FREM2: variants seen among roughly 807,000 people sequenced by gnomAD.
The protein encoded by FREM2 is FRAS1 related extracellular matrix 2.
FREM2 carries 119 observed loss-of-function variants against 219.9 expected under a neutral mutation model. That is an observed-to-expected ratio of 0.54 (90% confidence interval 0.47 to 0.63). The LOEUF (loss-of-function observed/expected upper bound fraction) is 0.63. FREM2 is among the 30% of genes least tolerant of loss of function. The pLI is 0.00. For missense variants in FREM2, 4,030 were observed against 3,993.6 expected (o/e 1.01, Z -0.25); for synonymous variants, 1,562 against 1,522.8 (o/e 1.03, Z -0.60).
chr13:38,838,786 C>A (rs2137896892), intron 6 of FREM2, among the ~76,000 whole-genome samples: 1 of 152,268 alleles, frequency 6.6e-6, no homozygotes, highest in Admixed American at 6.5e-5. Flanking sequence ...TCACGAAGTT[C>A]TCGTGCTGTG....
intron 2 of FREM2, among the ~76,000 whole-genome samples, chr13:38,734,849 C>T (rs774624977): frequency 6.7e-6 from 1 of 150,140 alleles, no homozygotes; most frequent in South Asian, 2.1e-4. Context: ...CAGGTTTAAC[C>T]GATTCTCCTG....
intron 2 of FREM2, among the ~76,000 whole-genome samples, chr13:38,733,156 T>G (rs1247373425): frequency 1.3e-5 from 2 of 152,092 alleles, no homozygotes; most frequent in Non-Finnish European, 2.9e-5. Context: ...CTGTGGCATC[T>G]AGAGAGGTGA....
rs1050484924 is a variant in FREM2 at position 38,882,734 on chromosome 13, C to T, written c.*1947C>T. The T allele has an allele frequency of 1.3e-5, 2 of 152,154 alleles. No homozygotes were observed. The highest frequency in any genetic ancestry group is 4.8e-5 in the African/African-American group (2 of 41,440). 9.4% of individuals were successfully genotyped at this position (152,154 alleles called of 1,614,324 possible). ...AGATGCTTAGCTACTTCTTTGGCTA[C>T]CTCATAATTTGTATGGGAATGAACA... is the stretch of plus-strand genomic sequence containing the variant. On this transcript the variant is annotated 3_prime_UTR_variant, in exon 24 of 24. Coordinates refer to ENST00000280481, the MANE Select transcript of FREM2 (RefSeq NM_207361.6).
At position 38,690,198 on chromosome 13, in the gene FREM2, T is replaced by G. The variant is rs1363871608; in HGVS notation, c.2854T>G (p.Ser952Ala). The change falls in exon 1 of 24, where the codon TCC (serine) becomes GCC (alanine). Residue 952 changes from serine (S) to alanine (A), a missense_variant. Ser to Ala is a moderately conservative substitution (Grantham distance 99). Around this residue, in one of 2 missense-constraint regions of FREM2, gnomAD observed 3,102 missense variants for 2,950.7 expected, o/e 1.05. Transcript: ENST00000280481. ...GAGCCATCCTACTGGCACTCTGGAG[T>G]CCTATCTAGATGTCTTAGAAAATGG... ...ILSHPTGTLE[S>A]YLDVLENGAT... is the part of the protein sequence containing the mutation. 3 of 1,614,042 alleles carry G rather than the reference T, an allele frequency of 1.9e-6. No individual in the cohort carries two copies. The highest frequency in any genetic ancestry group is 2.5e-6 in the Non-Finnish European group (3 of 1,180,018).
Position 38,689,198 on chromosome 13 carries a change from C to T in FREM2, c.1854C>T (p.Pro618=), listed in dbSNP as rs752479278. Residue 618 remains proline (P), a synonymous_variant, in exon 1 of 24, where the codon CCC becomes CCT. Transcript: ENST00000280481. ...TGCTTCTCCGCCAAACTCACCCTCC[C>T]CATGAGAAGCAGGAACTTCTCAGAG... The part of the protein sequence containing the change: ...GHLLLRQTHP[P]HEKQELLRGL... 6.2e-6 allele frequency: 10 copies of T among 1,614,090 alleles called. No individual in the cohort carries two copies. In the South Asian group the frequency reaches 9.9e-5, roughly 16 times the overall value.
chr13:38,734,278 A>G (rs1871890760), intron 2 of FREM2, among the ~76,000 whole-genome samples: 1 of 152,204 alleles, frequency 6.6e-6, no homozygotes, highest in Non-Finnish European at 1.5e-5. Flanking sequence ...CATGTTTACT[A>G]AGATTTACAT....
At chr13:38,762,106 G>A (rs1366941525) in intron 2 of FREM2, among the ~76,000 whole-genome samples, 1 of 152,098 alleles carries the variant, frequency 6.6e-6, no homozygotes, top group East Asian at 1.9e-4. Context: ...TGATACTATT[G>A]ACCTCAGAGC....
At chr13:38,725,343 G>A (rs1267119920) in intron 2 of FREM2, among the ~76,000 whole-genome samples, 1 of 151,902 alleles carries the variant, frequency 6.6e-6, no homozygotes, top group African/African-American at 2.4e-5. Flanking sequence ...GTTTTAGGTG[G>A]TTGTCAGCCA....
intron 11 of FREM2, among the ~76,000 whole-genome samples, chr13:38,855,067 A>T (rs190705279): frequency 1.1e-4 from 17 of 152,322 alleles, no homozygotes; most frequent in African/African-American, 3.8e-4. Flanking sequence ...CTTAATTACG[A>T]TTTCAATAAA....
intron 13 of FREM2, 117 bp from the exon 14 acceptor site, chr13:38,859,170 A>T (rs1877664332): frequency 1.0e-6 from 1 of 971,522 alleles, no homozygotes; most frequent in Non-Finnish European, 1.6e-6. Flanking sequence ...AAGCTGTATA[A>T]ACAGCATGTG....
At chr13:38,768,678 A>G (rs1323084429) in intron 3 of FREM2, among the ~76,000 whole-genome samples, 3 of 152,188 alleles carry the variant, frequency 2.0e-5, no homozygotes, top group Non-Finnish European at 4.4e-5. Flanking sequence ...AACTTGACTC[A>G]TTAAGAGGTT....
chr13:38,699,252 A>G (rs1267324855), intron 2 of FREM2, among the ~76,000 whole-genome samples: 3 of 152,174 alleles, frequency 2.0e-5, no homozygotes, highest in Admixed American at 1.3e-4. Context: ...TTCAAATTCA[A>G]TGGCTGCAAT....
rs75250131 is a variant in FREM2, at chr13:38,821,266, A to AT, written c.6020-25297dup. Among the ~76,000 whole-genome samples, 356 of 148,576 alleles carry AT rather than the reference A, an allele frequency of 2.4e-3. 4 individuals are homozygous for AT. The East Asian group carries it at 0.035, about 15-fold the overall frequency. On this transcript the variant is annotated intron_variant, in intron 6 of 23. Coordinates refer to ENST00000280481, the MANE Select transcript of FREM2 (RefSeq NM_207361.6). ...TATTCCTGTGTTGTAAATCTTATACATTTTTTTTTTGTAATTGGCCTAAAA... is the reference window on the plus strand; with the variant it reads ...TATTCCTGTGTTGTAAATCTTATACATTTTTTTTTTTGTAATTGGCCTAAAA...
At chr13:38,699,639 C>T (rs1593351203) in intron 2 of FREM2, among the ~76,000 whole-genome samples, 1 of 151,966 alleles carries the variant, frequency 6.6e-6, no homozygotes, top group Admixed American at 6.6e-5. Flanking sequence ...ACTGGCATAA[C>T]ATTACCTATG....
Position 38,691,476 on chromosome 13 carries a change from A to C in FREM2, c.4132A>C (p.Asn1378His), listed in dbSNP as rs1432237637. ...MNFTQDEVDR[N>H]LIQYVHLGQE... ...TTTTACCCAGGATGAAGTAGACAGA[A>C]ACTTAATTCAGTATGTCCATTTGGG... Residue 1378 changes from asparagine to histidine, a missense_variant, in exon 1 of 24, where the codon AAC (asparagine) becomes CAC (histidine). Transcript: ENST00000280481. 6.2e-7 allele frequency: 1 copy of C among 1,614,124 alleles called. No individual in the cohort carries two copies. Among genetic ancestry groups the C allele is most frequent in the Admixed American group, 1.7e-5 (1 of 60,014 alleles).
intron 3 of FREM2, among the ~76,000 whole-genome samples, chr13:38,767,497 A>G (rs1376104678): frequency 1.3e-5 from 2 of 152,076 alleles, no homozygotes; most frequent in Non-Finnish European, 2.9e-5. Context: ...CCCTTTTGAA[A>G]CTCCAAAAAA....
chr13:38,822,772 A>C (rs1201827288), intron 6 of FREM2, among the ~76,000 whole-genome samples: 2 of 152,122 alleles, frequency 1.3e-5, no homozygotes, highest in African/African-American at 4.8e-5. Flanking sequence ...TGAGAGGACA[A>C]ATCAACGCTT....
chr13:38,821,657 C>G (rs943093659), intron 6 of FREM2: 3 of 152,068 alleles, frequency 2.0e-5, no homozygotes, highest in South Asian at 2.1e-4. Flanking sequence ...CCTAACATCT[C>G]TCATGTTTCC....
chr13:38,872,797 A>C lies in FREM2; in HGVS notation c.8039A>C (p.Tyr2680Ser). The change falls in exon 17 of 24, where the codon TAC becomes TCC. Residue 2680 changes from tyrosine (Y) to serine (S), a missense_variant. Tyr to Ser is a moderately radical substitution (Grantham distance 144, BLOSUM62 -2). Coordinates refer to ENST00000280481, the MANE Select transcript of FREM2 (RefSeq NM_207361.6). ...CTTCGAGTCCCTCTGTATGTTTCCT[A>C]CGTGTTCCATTCCCCCGTGGGGGTA... ...VTLRVPLYVS[Y>S]VFHSPVGVGG... 1 of 1,613,940 alleles carries C rather than the reference A, an allele frequency of 6.2e-7. No homozygotes were observed. The highest frequency in any genetic ancestry group is 8.5e-7 in the Non-Finnish European group (1 of 1,179,918).
Sources: allele counts gnomAD v4.1 joint callset (sites outside exome capture counted in the v4.1 genomes callset), GRCh38; gene constraint gnomAD v4.1.1; regional missense constraint gnomAD v4.1.1; transcripts MANE v1.5; gene names NCBI Gene and HGNC (gene_info 2026-07-23, HGNC 2026-07-21).